The following PBRM1 variants were observed in gnomAD, a reference collection of about 807,000 sequenced individuals.
The protein encoded by PBRM1 is polybromo 1.
Under a neutral mutation model 194.5 loss-of-function variants are expected in PBRM1, and 27 were observed. That is an observed-to-expected ratio of 0.14 (90% confidence interval 0.10 to 0.19). PBRM1 has a LOEUF of 0.19. PBRM1 is among the 10% of genes least tolerant of loss of function. The pLI is 1.00. For missense variants in PBRM1, 1,466 were observed against 2,077.2 expected (o/e 0.71, Z 5.72); for synonymous variants, 655 against 693.2 (o/e 0.94, Z 0.87).
At chr3:52,612,971 T>G (rs534556342) in intron 15 of PBRM1, among the ~76,000 whole-genome samples, 1 of 152,158 alleles carries the variant, frequency 6.6e-6, no homozygotes, top group East Asian at 1.9e-4. Context: ...GAGTCTGATT[T>G]GAGGAAATCA....
upstream of PBRM1, among the ~76,000 whole-genome samples, chr3:52,680,532 A>T (rs1197415292): frequency 6.6e-6 from 1 of 152,254 alleles, no homozygotes; most frequent in Non-Finnish European, 1.5e-5. Flanking sequence ...ACAACACAAG[A>T]AATGCAACCA....
intron 17 of PBRM1, among the ~76,000 whole-genome samples, chr3:52,597,423 C>A (rs146048942): frequency 9.0e-4 from 137 of 152,244 alleles, no homozygotes; most frequent in African/African-American, 3.1e-3. Context: ...TTTAAAAGTT[C>A]TGCCAATTTT....
intron 22 of PBRM1, among the ~76,000 whole-genome samples, chr3:52,566,894 C>A (rs2085389452): frequency 6.6e-6 from 1 of 152,104 alleles, no homozygotes; most frequent in African/African-American, 2.4e-5. Flanking sequence ...CATGGCGAAA[C>A]CCCGTCTCTA....
At chr3:52,600,770 T>C (rs1448605557) in intron 17 of PBRM1, among the ~76,000 whole-genome samples, 1 of 152,076 alleles carries the variant, frequency 6.6e-6, no homozygotes, top group African/African-American at 2.4e-5. Flanking sequence ...TTCCGAGTAG[T>C]TGGGATTACA....
In PBRM1 at chr3:52,578,930, G is replaced by A. The variant is rs754496515; in HGVS notation, c.3533+124C>T. The A allele has an allele frequency of 1.3e-5, 11 of 859,370 alleles. No homozygotes were observed. The South Asian group carries it at 1.5e-4, about 12-fold the overall frequency. The allele number at this position is 859,370 out of a possible 1,614,324, so 53.2% of individuals were successfully genotyped here. On this transcript the variant is annotated intron_variant, in intron 21 of 29. Transcript: ENST00000296302. ...AAGTGTGGTTGGAGGGGAACATGGT[G>A]TGAGAAGAAGCTGGAGAAACTGCCA...
chr3:52,546,547 T>A (rs2079701180), downstream of PBRM1: 1 of 230,216 alleles, frequency 4.3e-6, no homozygotes, highest in African/African-American at 2.2e-5. Context: ...AGTACAGTAA[T>A]TAAACATCTG....
intron 12 of PBRM1, 79 bp from the exon 14 acceptor site, chr3:52,627,449 A>T: frequency 1.3e-6 from 1 of 792,004 alleles, no homozygotes; most frequent in Non-Finnish European, 2.1e-6. Flanking sequence ...AGAGCTAGAC[A>T]TATCAGATTC....
intron 19 of PBRM1, among the ~76,000 whole-genome samples, 159 bp from the exon 22 acceptor site, chr3:52,586,847 A>G (rs959296197): frequency 6.6e-6 from 1 of 152,022 alleles, no homozygotes; most frequent in African/African-American, 2.4e-5. Flanking sequence ...AAATGACCAG[A>G]GATTTAGAAG....
At chr3:52,683,376 A>G (rs1357822210), upstream of PBRM1, among the ~76,000 whole-genome samples, 1 of 150,524 alleles carries the variant, frequency 6.6e-6, no homozygotes, top group African/African-American at 2.4e-5. Context: ...CGTCTCAAGA[A>G]AAAAAAAAAA....
At position 52,609,141 on chromosome 3, in the gene PBRM1, C is replaced by G; in HGVS notation, c.2567+172G>C. 1.7e-6 allele frequency: 1 copy of G among 586,504 alleles called. No individual in the cohort carries two copies. Among genetic ancestry groups the G allele is most frequent in the Non-Finnish European group, 3.0e-6 (1 of 337,444 alleles). The allele number at this position is 586,504 out of a possible 1,614,324, so 36.3% of individuals were successfully genotyped here. A position where few individuals can be genotyped will look rare whatever the true frequency, so the allele number is the denominator to read the frequency against. The stretch of plus-strand genomic sequence containing the variant: ...ACTTAGTGGTGTGCCTTCTCTCCCC[C>G]ACAGAATATACTCACTCTTAAGAAG... On this transcript the variant is annotated intron_variant, in intron 16 of 29. Transcript: ENST00000296302. This position sits in a 1 kb window ranked among gnomAD's most constrained non-coding sequence, Gnocchi z 4.1.
chr3:52,634,829 A>G lies in PBRM1; in HGVS notation c.1088-14T>C. 6.3e-7 allele frequency: 1 copy of G among 1,585,964 alleles called. No homozygotes were observed. ...CATAGCGTGCAGCTGGAAAGACAAA[A>G]AAAGTATTTATAAAGGGACGAATGA... On this transcript the variant is annotated splice_polypyrimidine_tract_variant and intron_variant, in intron 10 of 29. Coordinates refer to ENST00000296302, the Ensembl canonical transcript of PBRM1.
At chr3:52,634,762 C>T in exon 11 of PBRM1, 1 of 1,614,016 alleles carries the variant, frequency 6.2e-7, no homozygotes, top group Non-Finnish European at 8.5e-7. Flanking sequence ...TTTGAAACAT[C>T]CATAAAGGAA....
At chr3:52,654,933 TG>T (rs1472126351) in intron 5 of PBRM1, among the ~76,000 whole-genome samples, 1 of 152,072 alleles carries the variant, frequency 6.6e-6, no homozygotes, top group Non-Finnish European at 1.5e-5. Context: ...TGACTACAGG[TG>T]CACACCACCA....
chr3:52,596,792 G>A (rs1243607919), intron 17 of PBRM1, among the ~76,000 whole-genome samples: 4 of 152,040 alleles, frequency 2.6e-5, no homozygotes, highest in Non-Finnish European at 5.9e-5. Flanking sequence ...GAGCTGCCCA[G>A]GGTTGGGGAG....
At chr3:52,641,991 T>C (rs369012659) in exon 10 of PBRM1, 42 of 1,609,618 alleles carry the variant, frequency 2.6e-5, no homozygotes, top group African/African-American at 2.4e-4. Context: ...CTGAGCCATA[T>C]TGAAGTGCCA....
In PBRM1 at chr3:52,634,050, G is replaced by A. The variant is rs531747071; in HGVS notation, c.1301+552C>T. 3.3e-5 allele frequency among the ~76,000 whole-genome samples: 5 copies of A among 152,184 alleles called. No individual in the cohort carries two copies. In the South Asian group the frequency reaches 1.0e-3, roughly 32 times the overall value. ...TGCTTATCCTGGGGTTTCAACTATA[G>A]ATACATAACTTAAATACAGATTAAC... On this transcript the variant is annotated intron_variant, in intron 11 of 29. Transcript: ENST00000296302.
At chr3:52,633,235 T>C (rs1234437365) in intron 11 of PBRM1, among the ~76,000 whole-genome samples, 1 of 152,126 alleles carries the variant, frequency 6.6e-6, no homozygotes, top group Admixed American at 6.6e-5. Context: ...TCTCTATGAC[T>C]TCTGATTGCA....
intron 19 of PBRM1, 143 bp downstream of exon 21, chr3:52,587,210 T>C (rs1576212992): frequency 1.6e-6 from 1 of 627,550 alleles, no homozygotes. Flanking sequence ...TCTTCCCAAA[T>C]CTTTTCATAT....
chr3:52,641,553 G>C (rs1389270166), intron 10 of PBRM1, among the ~76,000 whole-genome samples: 1 of 151,592 alleles, frequency 6.6e-6, no homozygotes, highest in African/African-American at 2.4e-5. Context: ...TATAGTAAAG[G>C]GGAAAATATT....
Sources: allele counts gnomAD v4.1 joint callset (sites outside exome capture counted in the v4.1 genomes callset), GRCh38; gene constraint gnomAD v4.1.1; non-coding constraint Gnocchi (gnomAD v3.1); transcripts MANE v1.5; gene names NCBI Gene and HGNC (gene_info 2026-07-23, HGNC 2026-07-21).